The following DOCK9 variants were observed in gnomAD, a reference collection of about 807,000 sequenced individuals.
DOCK9 encodes the protein dedicator of cytokinesis protein 9.
A neutral mutation model predicts 263.3 loss-of-function variants in DOCK9; 89 were observed. The ratio of observed to expected loss-of-function variants is 0.34; its 90% CI spans 0.28 to 0.40. The LOEUF is 0.40. Ranked by LOEUF, DOCK9 falls within the 10% of genes least tolerant of loss-of-function variation. DOCK9 has a pLI of 1.00. For missense variants in DOCK9, 2,140 were observed against 2,603.4 expected (o/e 0.82, Z 3.87); for synonymous variants, 976 against 973.1 (o/e 1.00, Z -0.06).
chr13:99,057,891 G>C (rs2040998910), intron 1 of DOCK9, among the ~76,000 whole-genome samples: 1 of 152,086 alleles, frequency 6.6e-6, no homozygotes, highest in Admixed American at 6.6e-5. Flanking sequence ...ATAATACACT[G>C]TAATAATACA....
rs550265667 is a variant in DOCK9 at position 98,831,584 on chromosome 13, T to G, written c.4453-54A>C. 4.3e-5 allele frequency: 68 copies of G among 1,596,364 alleles called. No homozygotes were observed. In the South Asian group the frequency reaches 7.2e-4, roughly 17 times the overall value. ...AAACCACAGACAGGTCAGTGCTCGG[T>G]AATGTACCCTTCAATTCCGGGGGAA... On this transcript the variant is annotated intron_variant, in intron 40 of 52. Coordinates refer to ENST00000682017, the MANE Select transcript of DOCK9 (RefSeq NM_001366683.2).
chr13:98,950,368 G>A, intron 2 of DOCK9: 1 of 935,764 alleles, frequency 1.1e-6, no homozygotes, highest in Non-Finnish European at 1.7e-6. Flanking sequence ...TGCCTGAGTG[G>A]CTTTGAGGGC....
intron 8 of DOCK9, among the ~76,000 whole-genome samples, chr13:98,914,699 G>T (rs1014359894): frequency 6.6e-5 from 10 of 152,130 alleles, no homozygotes; most frequent in African/African-American, 2.4e-4. Context: ...ACCTGCCCAG[G>T]CTCCACCCCA....
chr13:98,807,541 T>C, intron 48 of DOCK9, 120 bp downstream of exon 48: 2 of 936,062 alleles, frequency 2.1e-6, no homozygotes, highest in Admixed American at 3.5e-5. Flanking sequence ...CACCTGCCAC[T>C]CACGGCCAAC....
At chr13:98,860,772 G>A (rs1305308072) in intron 32 of DOCK9, among the ~76,000 whole-genome samples, 1 of 152,054 alleles carries the variant, frequency 6.6e-6, no homozygotes, top group African/African-American at 2.4e-5. Context: ...ATAAAGTCTT[G>A]TTTCTCTTTC....
intron 1 of DOCK9, among the ~76,000 whole-genome samples, chr13:99,077,405 C>T (rs2041953204): frequency 6.6e-6 from 1 of 152,144 alleles, no homozygotes; most frequent in African/African-American, 2.4e-5. Flanking sequence ...TTGCTCTTCC[C>T]TTTTCTTGCC....
At chr13:99,027,064 G>A (rs1337571512) in intron 1 of DOCK9, among the ~76,000 whole-genome samples, 1 of 152,108 alleles carries the variant, frequency 6.6e-6, no homozygotes, top group East Asian at 1.9e-4. Context: ...CTGTCGCCCA[G>A]GCTGGAGTGT....
rs181863728 is a variant in DOCK9, at chr13:98,996,354, G to A, written c.130-40803C>T. On this transcript the variant is annotated intron_variant, in intron 1 of 32. Coordinates refer to the DOCK9 transcript ENST00000427887. ...GGTCACACATCTTTTTCCAGATCCC[G>A]AGTAGTACTAACAGCAATTCATCAC... 3.2e-4 allele frequency among the ~76,000 whole-genome samples: 48 copies of A among 152,264 alleles called. No homozygotes were observed. In the East Asian group the frequency reaches 8.5e-3, roughly 27 times the overall value.
In DOCK9 at chr13:98,896,040, C is replaced by T. The variant is rs148564659; in HGVS notation, c.1709+1448G>A. Among the ~76,000 whole-genome samples the T allele has an allele frequency of 4.1e-3, 618 of 152,288 alleles. 5 individuals are homozygous for T. The highest frequency in any genetic ancestry group is 0.014 in the African/African-American group (583 of 41,552). On this transcript the variant is annotated intron_variant, in intron 15 of 52. Transcript: ENST00000682017. ...CCTCTCCCCCTTCTCCAATTCCCTA[C>T]GTGAGCTGTGAAAGGTTCATTCCAA...
intron 45 of DOCK9, among the ~76,000 whole-genome samples, chr13:98,812,841 T>C (rs1484733450): frequency 6.6e-6 from 1 of 152,212 alleles, no homozygotes; most frequent in Non-Finnish European, 1.5e-5. Flanking sequence ...TAAATTATAG[T>C]AAGCTAATGA....
rs144760580 is a variant in DOCK9, at chr13:98,826,360, G to A, written c.5023+470C>T. 8.5e-5 allele frequency among the ~76,000 whole-genome samples: 13 copies of A among 152,292 alleles called. No individual in the cohort carries two copies. The East Asian group carries it at 1.5e-3, about 18-fold the overall frequency. The stretch of plus-strand genomic sequence containing the variant: ...CAAACGGAGAGTGCACAAATGAAGC[G>A]TCACTCCTCGCCCCCTCTCCTTCCT... On this transcript the variant is annotated intron_variant, in intron 44 of 52. Transcript: ENST00000682017.
intron 1 of DOCK9, among the ~76,000 whole-genome samples, chr13:99,036,503 C>A (rs1887896022): frequency 6.6e-6 from 1 of 152,138 alleles, no homozygotes; most frequent in African/African-American, 2.4e-5. Context: ...CTGTGAGAAA[C>A]AAATCATTGT....
At chr13:98,898,287 G>T in intron 13 of DOCK9, 26 bp from the exon 14 acceptor site, 3 of 1,574,282 alleles carry the variant, frequency 1.9e-6, no homozygotes, top group Non-Finnish European at 2.6e-6. Flanking sequence ...ATAAAGCTAT[G>T]AGATACTGCA....
intron 1 of DOCK9, among the ~76,000 whole-genome samples, chr13:99,009,004 C>G (rs1186921676): frequency 3.3e-5 from 5 of 152,166 alleles, no homozygotes; most frequent in South Asian, 2.1e-4. Flanking sequence ...TGAATGATAT[C>G]TGGAAAGGTT....
intron 1 of DOCK9, among the ~76,000 whole-genome samples, chr13:99,047,102 CAAAT>C (rs1186636720): frequency 6.6e-6 from 1 of 152,004 alleles, no homozygotes; most frequent in East Asian, 1.9e-4. Flanking sequence ...TCATGGGGGT[CAAAT>C]AAATAAAAAT....
Position 98,990,986 on chromosome 13 carries a change from G to A in DOCK9, c.130-35435C>T, listed in dbSNP as rs185771965. The stretch of plus-strand genomic sequence containing the variant: ...AGCAAGCATTTCTTAACCACAGAGC[G>A]CTGCACAAGGTTTGGGAAATAAGGA... On this transcript the variant is annotated intron_variant, in intron 1 of 32. Coordinates refer to the DOCK9 transcript ENST00000427887. Among the ~76,000 whole-genome samples, 175 of 152,170 alleles carry A rather than the reference G, an allele frequency of 1.2e-3. 2 individuals are homozygous for A. The highest frequency in any genetic ancestry group is 0.011 in the South Asian group (55 of 4,816).
Position 98,831,473 on chromosome 13 carries a change from T to C in DOCK9, c.4510A>G (p.Ile1504Val). ...AGCTTGGAGTTACAGCACTTGAGAA[T>C]CTCGTAACACAGAGCCGCACACATG... ...ADMCAALCYE[I>V]LKCCNSKLSS... The change falls in exon 41 of 53, where the codon ATT becomes GTT. Residue 1504 changes from isoleucine to valine, a missense_variant. Around this residue, in one of 2 missense-constraint regions of DOCK9, gnomAD observed 619 missense variants for 861.8 expected, o/e 0.72. Transcript: ENST00000682017. 1 of 1,594,138 alleles carries C rather than the reference T, an allele frequency of 6.3e-7. No individual in the cohort carries two copies. Among genetic ancestry groups the C allele is most frequent in the Non-Finnish European group, 8.5e-7 (1 of 1,169,874 alleles).
At chr13:98,802,199 C>CA in intron 49 of DOCK9, among the ~76,000 whole-genome samples, 1 of 152,346 alleles carries the variant, frequency 6.6e-6, no homozygotes, top group Non-Finnish European at 1.5e-5. Context: ...AGATCACGTT[C>CA]TACCACGGTT....
chr13:98,824,568 T>G (rs1211294264), intron 44 of DOCK9, 64 bp from the exon 45 acceptor site: 5 of 1,417,546 alleles, frequency 3.5e-6, no homozygotes, highest in Non-Finnish European at 5.0e-6. Flanking sequence ...ACCCTGAGGG[T>G]TTTTCCTGCC....
Sources: allele counts gnomAD v4.1 joint callset (sites outside exome capture counted in the v4.1 genomes callset), GRCh38; gene constraint gnomAD v4.1.1; regional missense constraint gnomAD v4.1.1; transcripts MANE v1.5; gene names NCBI Gene and HGNC (gene_info 2026-07-23, HGNC 2026-07-21).